VPS13B: variants seen among roughly 807,000 people sequenced by gnomAD.
The protein encoded by VPS13B is vacuolar protein sorting 13 homolog B.
A neutral mutation model predicts 426.4 loss-of-function variants in VPS13B; 285 were observed. That is an observed-to-expected ratio of 0.67 (90% CI 0.61 to 0.74). The LOEUF is 0.74. Ranked by LOEUF, VPS13B falls within the 30% of genes least tolerant of loss-of-function variation. The pLI is 0.00. For missense variants in VPS13B, 4,537 were observed against 4,782.6 expected, an observed-to-expected ratio of 0.95 and a Z score of 1.51; for synonymous variants, 1,676 against 1,676.4, an observed-to-expected ratio of 1.00 and a Z score of 0.01.
At chr8:99,395,990 T>C (rs1309330979) in intron 21 of VPS13B, among the ~76,000 whole-genome samples, 2 of 152,066 alleles carry the variant, frequency 1.3e-5, no homozygotes, top group Non-Finnish European at 2.9e-5. Context: ...GTAGTAGATA[T>C]TGCAAGAAAA....
At chr8:99,187,815 A>C (rs773784986) in intron 16 of VPS13B, among the ~76,000 whole-genome samples, 14 of 152,180 alleles carry the variant, frequency 9.2e-5, no homozygotes, top group East Asian at 1.9e-4. Flanking sequence ...TAAAAAAATA[A>C]AAATTAGCCG....
Position 99,809,398 on chromosome 8 carries a change from T to A in VPS13B, c.7965T>A (p.Gly2655=), listed in dbSNP as rs758430817. 2 of 1,613,962 alleles carry A rather than the reference T, an allele frequency of 1.2e-6. No homozygotes were observed. The highest frequency in any genetic ancestry group is 1.7e-6 in the Non-Finnish European group (2 of 1,179,942). Residue 2655 remains glycine (G), a synonymous_variant, in exon 44 of 62, where the codon GGT becomes GGA. Coordinates refer to ENST00000357162, the MANE Select transcript of VPS13B (RefSeq NM_152564.5). ...AGCTGTTACACATCTGTATTGAAGG[T>A]TGGGGCAACTGGCGTTGGTCAGAGC... ...SPQLLHICIE[G]WGNWRWSEPF...
chr8:99,029,752 A>AGAGGGAGACCGTG (rs1842412941), intron 2 of VPS13B, among the ~76,000 whole-genome samples: 1 of 147,022 alleles, frequency 6.8e-6, no homozygotes, highest in African/African-American at 2.5e-5. Flanking sequence ...GCTCGGCATC[A>AGAGGGAGACCGTG]GAGGGAGACC....
intron 35 of VPS13B, among the ~76,000 whole-genome samples, chr8:99,662,554 C>T (rs1830277762): frequency 1.3e-5 from 2 of 152,284 alleles, no homozygotes; most frequent in South Asian, 2.1e-4. Flanking sequence ...TCCAGCAATT[C>T]TCCTGCTTCA....
At chr8:99,793,462 T>C (rs1588716167) in intron 43 of VPS13B, among the ~76,000 whole-genome samples, 1 of 151,862 alleles carries the variant, frequency 6.6e-6, no homozygotes, top group East Asian at 1.9e-4. Flanking sequence ...TTAGATACTA[T>C]GGAGGCTAGA....
intron 39 of VPS13B, among the ~76,000 whole-genome samples, chr8:99,753,005 G>A (rs1034467516): frequency 6.6e-5 from 10 of 152,010 alleles, no homozygotes; most frequent in South Asian, 2.1e-4. Flanking sequence ...CAGGAGTCCC[G>A]GCTTTGCAAC....
intron 19 of VPS13B, among the ~76,000 whole-genome samples, chr8:99,308,858 T>G (rs535225345): frequency 6.6e-6 from 1 of 151,980 alleles, no homozygotes; most frequent in African/African-American, 2.4e-5. Flanking sequence ...TCCTGACTTT[T>G]TAATGATTGC....
At chr8:99,454,836 T>C (rs1295673320) in intron 23 of VPS13B, among the ~76,000 whole-genome samples, 1 of 152,224 alleles carries the variant, frequency 6.6e-6, no homozygotes, top group African/African-American at 2.4e-5. Context: ...AGGTATGTAG[T>C]GGTATCTAAA....
chr8:99,862,002 G>T lies in VPS13B; in HGVS notation c.11215+56G>T, dbSNP rs573901575. 6.5e-6 allele frequency: 10 copies of T among 1,527,602 alleles called. No homozygotes were observed. The Admixed American group carries it at 2.0e-4, about 30-fold the overall frequency. The allele number at this position is 1,527,602 out of a possible 1,614,324, so 94.6% of individuals were successfully genotyped here. A position where few individuals can be genotyped will look rare whatever the true frequency, so the allele number is the denominator to read the frequency against. On this transcript the variant is annotated intron_variant, in intron 58 of 61. Coordinates refer to ENST00000357162, the MANE Select transcript of VPS13B (RefSeq NM_152564.5). ...GTACTCCAGCAGGCTGAGATGCAGG[G>T]TCTCCCAGGACTGGGCAACTTCGCC...
intron 2 of VPS13B, among the ~76,000 whole-genome samples, chr8:99,015,766 G>A (rs2132133114): frequency 6.6e-6 from 1 of 152,082 alleles, no homozygotes; most frequent in East Asian, 2.0e-4. Flanking sequence ...AGCTGGGCTT[G>A]GTGGCATGTG....
chr8:99,806,568 T>C (rs932856499), intron 43 of VPS13B, among the ~76,000 whole-genome samples: 6 of 152,196 alleles, frequency 3.9e-5, no homozygotes, highest in Admixed American at 2.0e-4. Flanking sequence ...TATCTCTTCC[T>C]CTATATTTCC....
At chr8:99,293,806 C>A (rs1001498499) in intron 19 of VPS13B, among the ~76,000 whole-genome samples, 1 of 151,466 alleles carries the variant, frequency 6.6e-6, no homozygotes, top group African/African-American at 2.4e-5. Flanking sequence ...CCATCACTGG[C>A]CATCAGAGAA....
intron 17 of VPS13B, among the ~76,000 whole-genome samples, chr8:99,250,736 G>A (rs1320663146): frequency 8.3e-6 from 1 of 119,856 alleles, no homozygotes; most frequent in Non-Finnish European, 1.6e-5. Flanking sequence ...ACAGGCTGGA[G>A]TGCAGTGGCA....
chr8:99,721,156 G>A, intron 39 of VPS13B, 109 bp downstream of exon 39: 1 of 1,133,288 alleles, frequency 8.8e-7, no homozygotes, highest in Non-Finnish European at 1.3e-6. Flanking sequence ...TAGTATCAGA[G>A]AGAAATACAC....
chr8:99,406,145 A>G (rs1481345312), intron 21 of VPS13B, among the ~76,000 whole-genome samples: 2 of 151,926 alleles, frequency 1.3e-5, no homozygotes, highest in African/African-American at 4.8e-5. Context: ...TATTCCCTAA[A>G]ATAGGTCTGT....
At chr8:99,563,978 G>A (rs1170615577) in intron 31 of VPS13B, among the ~76,000 whole-genome samples, 2 of 152,152 alleles carry the variant, frequency 1.3e-5, no homozygotes, top group African/African-American at 4.8e-5. Context: ...ATAATGAAGA[G>A]TAATGTGTTT....
intron 39 of VPS13B, among the ~76,000 whole-genome samples, chr8:99,726,432 G>A (rs919828747): frequency 4.6e-5 from 7 of 152,098 alleles, no homozygotes; most frequent in Non-Finnish European, 1.0e-4. Context: ...CCTCCTGTGT[G>A]CACTGCCTAT....
chr8:99,828,322 TG>T (rs1389164260), intron 51 of VPS13B, among the ~76,000 whole-genome samples: 7 of 151,160 alleles, frequency 4.6e-5, no homozygotes, highest in African/African-American at 1.7e-4. Flanking sequence ...CATTATGTAA[TG>T]CCCTTCTTTG....
intron 36 of VPS13B, among the ~76,000 whole-genome samples, chr8:99,703,670 A>G (rs1481505037): frequency 1.3e-5 from 2 of 152,202 alleles, no homozygotes; most frequent in Non-Finnish European, 2.9e-5. Flanking sequence ...ATACAACGCA[A>G]TCATTTTTGC....
Sources: gnomAD v4.1 joint callset for allele counts (sites outside exome capture counted in the v4.1 genomes callset) on GRCh38, gnomAD v4.1.1 for gene constraint, MANE v1.5 for transcripts, NCBI Gene and HGNC (gene_info 2026-07-23, HGNC 2026-07-21) for gene names.